Variants in CWH43 observed in about 807,000 individuals in gnomAD.
CWH43 encodes the protein PGAP2-interacting protein.
CWH43 carries 91 observed loss-of-function variants against 85.7 expected under a neutral mutation model. The ratio of observed to expected loss-of-function variants is 1.06; its 90% CI spans 0.90 to 1.26. The LOEUF is 1.26. Ranked by LOEUF, CWH43 falls within the 50% of genes most tolerant of loss-of-function variation. CWH43 has a pLI of 0.00. For synonymous variants in CWH43, 323 were observed against 293.6 expected (o/e 1.10, Z -1.02); for missense variants, 869 against 839.2 (o/e 1.04, Z -0.44).
At chr4:49,056,903 G>C (rs1378033802) in intron 15 of CWH43, among the ~76,000 whole-genome samples, 3 of 151,790 alleles carry the variant, frequency 2.0e-5, no homozygotes, top group African/African-American at 7.3e-5. Flanking sequence ...TTTCTTCTTT[G>C]ATCCATTGTC....
intron 8 of CWH43, among the ~76,000 whole-genome samples, chr4:49,011,394 A>T (rs1244351589): frequency 5.9e-5 from 9 of 152,086 alleles, no homozygotes; most frequent in Non-Finnish European, 1.0e-4. Context: ...GGGTCTCCTG[A>T]ATACAGCACA....
intron 9 of CWH43, among the ~76,000 whole-genome samples, chr4:49,027,248 G>T (rs1783944732): frequency 6.6e-6 from 1 of 152,212 alleles, no homozygotes; most frequent in African/African-American, 2.4e-5. Context: ...TTTGAAAGTA[G>T]AACCGATAGG....
Position 48,988,472 on chromosome 4 carries a change from T to A in CWH43, c.44-5T>A, listed in dbSNP as rs750885887. On this transcript the variant is annotated splice_polypyrimidine_tract_variant and splice_region_variant and intron_variant, in intron 1 of 15. Coordinates refer to ENST00000226432, the MANE Select transcript of CWH43 (RefSeq NM_025087.3). Reference sequence around the variant, plus strand: ...TTCTCTCTTTAACTTTTTTTTTTTTTGTAGGATGTGTTTCTTGGTCTCTCT... The same window carrying A: ...TTCTCTCTTTAACTTTTTTTTTTTTAGTAGGATGTGTTTCTTGGTCTCTCT... 2.0e-6 allele frequency: 3 copies of A among 1,525,924 alleles called. No homozygotes were observed. In the African/African-American group the frequency reaches 4.3e-5, roughly 22 times the overall value. The allele number at this position is 1,525,924 out of a possible 1,614,324, so 94.5% of individuals were successfully genotyped here. A position where few individuals can be genotyped will look rare whatever the true frequency, so the allele number is the denominator to read the frequency against.
chr4:49,012,093 G>T (rs1223518604), intron 8 of CWH43, among the ~76,000 whole-genome samples: 1 of 152,080 alleles, frequency 6.6e-6, no homozygotes, highest in African/African-American at 2.4e-5. Context: ...CATTCTCCCC[G>T]TCACTTTCAG....
chr4:48,988,748 A>G, intron 2 of CWH43, 80 bp downstream of exon 2: 1 of 822,712 alleles, frequency 1.2e-6, no homozygotes, highest in South Asian at 2.6e-5. Context: ...TTCTTTGAAT[A>G]CTAAATATTT....
intron 12 of CWH43, among the ~76,000 whole-genome samples, chr4:49,034,791 A>C (rs1012578686): frequency 1.3e-5 from 2 of 152,138 alleles, no homozygotes; most frequent in East Asian, 1.9e-4. Flanking sequence ...CTCATCTGTA[A>C]ATCAGTGCAA....
rs1328681390 is a variant in CWH43 at position 49,007,104 on chromosome 4, G to A, written c.1061-97G>A. On this transcript the variant is annotated intron_variant, in intron 7 of 15. Coordinates refer to ENST00000226432, the MANE Select transcript of CWH43 (RefSeq NM_025087.3). Reference sequence around the variant, plus strand: ...ATTAAATCAGTACATGAATTTCCAGGGTATGTTCCTTTCAAGGAACTCTCA... The same window carrying A: ...ATTAAATCAGTACATGAATTTCCAGAGTATGTTCCTTTCAAGGAACTCTCA... 3.7e-6 allele frequency: 5 copies of A among 1,359,552 alleles called. No homozygotes were observed. The East Asian group carries it at 9.8e-5, about 27-fold the overall frequency. The allele number at this position is 1,359,552 out of a possible 1,614,324, so 84.2% of individuals were successfully genotyped here.
At chr4:49,055,936 C>CT (rs1437439563) in intron 15 of CWH43, among the ~76,000 whole-genome samples, 6 of 143,878 alleles carry the variant, frequency 4.2e-5, no homozygotes, top group Admixed American at 7.0e-5. Context: ...TTATTATACT[C>CT]TAAGTTTTAG....
rs779858953 is a variant in CWH43, at chr4:49,038,185, CAT to C, written c.1803+7_1803+8del. On this transcript the variant is annotated splice_donor_region_variant and intron_variant, in intron 13 of 15. Coordinates refer to ENST00000226432, the MANE Select transcript of CWH43 (RefSeq NM_025087.3). ...ACTGAACATGGCAATGTGAAGGTAA[CAT>C]AATCTTAATAGGATTTCTAATTTAT... is the stretch of plus-strand genomic sequence containing the variant. 1.3e-6 allele frequency: 2 copies of C among 1,545,176 alleles called. No individual in the cohort carries two copies. Among genetic ancestry groups the C allele is most frequent in the Non-Finnish European group, 1.7e-6 (2 of 1,145,782 alleles).
intron 9 of CWH43, among the ~76,000 whole-genome samples, chr4:49,020,857 C>A (rs1423237887): frequency 6.6e-6 from 1 of 151,920 alleles, no homozygotes; most frequent in Non-Finnish European, 1.5e-5. Context: ...TGTGTATCTT[C>A]TTTTGAGAAT....
At chr4:49,051,796 C>T (rs544934752) in intron 15 of CWH43, among the ~76,000 whole-genome samples, 3 of 152,264 alleles carry the variant, frequency 2.0e-5, no homozygotes, top group African/African-American at 4.8e-5. Context: ...AGGCTGGTCT[C>T]GAAAGCCTGA....
Position 49,039,051 on chromosome 4 carries a change from C to G in CWH43, c.1803+871C>G, listed in dbSNP as rs192122361. Among the ~76,000 whole-genome samples, 157 of 146,200 alleles carry G rather than the reference C, an allele frequency of 1.1e-3. 6 individuals are homozygous for G. In the East Asian group the frequency reaches 0.024, roughly 22 times the overall value. ...CCAGCCTGGGTGACAGAGCGAGACT[C>G]TGTCTCAAAAAAATATATAAATAAA... On this transcript the variant is annotated intron_variant, in intron 13 of 15. Transcript: ENST00000226432.
intron 9 of CWH43, 149 bp downstream of exon 9, chr4:49,017,477 G>C: frequency 1.9e-6 from 1 of 535,418 alleles, no homozygotes; most frequent in Non-Finnish European, 3.3e-6. Flanking sequence ...AGACTGATAA[G>C]ATAGTGGGAT....
chr4:49,051,802 C>A, intron 15 of CWH43, among the ~76,000 whole-genome samples: 1 of 152,278 alleles, frequency 6.6e-6, no homozygotes, highest in African/African-American at 2.4e-5. Context: ...GTCTCGAAAG[C>A]CTGACCTCAG....
In CWH43 at chr4:49,061,879, T is replaced by C. The variant is rs774170991; in HGVS notation, c.2089T>C (p.Tyr697His). The change falls in exon 16 of 16, where the codon TAC (tyrosine) becomes CAC (histidine). Residue 697 changes from tyrosine to histidine, a missense_variant. By Grantham distance (83) the Tyr-to-His change is moderately conservative. Around this residue, in one of 3 missense-constraint regions of CWH43, gnomAD observed 577 missense variants for 513.1 expected, o/e 1.12. Transcript: ENST00000226432. ...TCATTTTCATATGAATACTCCCAAA[T>C]ACTTTTTATGAAACATTTAAAACAA... ...NHHFHMNTPK[Y>H]FL 1.4e-6 allele frequency: 2 copies of C among 1,381,476 alleles called. No homozygotes were observed. The highest frequency in any genetic ancestry group is 2.9e-5 in the African/African-American group (2 of 68,130). 85.6% of individuals were successfully genotyped at this position (1,381,476 alleles called of 1,614,324 possible).
chr4:49,010,097 T>A (rs1471429355), intron 8 of CWH43, among the ~76,000 whole-genome samples: 3 of 152,118 alleles, frequency 2.0e-5, no homozygotes, highest in Non-Finnish European at 4.4e-5. Flanking sequence ...CTGTGAATCC[T>A]TCTGGTCCTG....
Position 49,003,917 on chromosome 4 carries a change from T to C in CWH43, c.985T>C (p.Phe329Leu). 1.2e-6 allele frequency: 2 copies of C among 1,613,842 alleles called. No homozygotes were observed. The highest frequency in any genetic ancestry group is 1.7e-6 in the Non-Finnish European group (2 of 1,179,864). Residue 329 changes from phenylalanine to leucine, a missense_variant, in exon 7 of 16, where the codon TTC becomes CTC. Physicochemically the swap from Phe to Leu is conservative, Grantham distance 22. This residue lies in a region of CWH43 where 577 missense variants were observed against 513.1 expected (regional missense o/e 1.12). Coordinates refer to ENST00000226432, the MANE Select transcript of CWH43 (RefSeq NM_025087.3). ...GATATTTTATCTTCTAGAAATATTT[T>C]TCTGTGCCTGGTGCACAGCTTTTAA... ...AMIFYLLEIF[F>L]CAWCTAFKFV...
intron 7 of CWH43, among the ~76,000 whole-genome samples, chr4:49,004,574 A>G (rs1783094779): frequency 6.6e-6 from 1 of 152,118 alleles, no homozygotes; most frequent in Admixed American, 6.6e-5. Context: ...TTTTTTGTAG[A>G]GACAGGGGTC....
chr4:49,020,068 T>C (rs1783691203), intron 9 of CWH43, among the ~76,000 whole-genome samples: 1 of 152,024 alleles, frequency 6.6e-6, no homozygotes. Context: ...CGTGAATATG[T>C]TATTTAGTGG....
Sources: gnomAD v4.1 joint callset for allele counts (sites outside exome capture counted in the v4.1 genomes callset) on GRCh38, gnomAD v4.1.1 for gene constraint, gnomAD v4.1.1 regional missense constraint, MANE v1.5 for transcripts, NCBI Gene and HGNC (gene_info 2026-07-23, HGNC 2026-07-21) for gene names.